Variants in INTS2 observed in about 807,000 individuals in gnomAD.
INTS2 encodes KIAA1287.
In INTS2, 57 loss-of-function variants were observed where a neutral mutation model predicts 139.6. That is an observed-to-expected ratio of 0.41 (90% CI 0.33 to 0.51). The LOEUF is 0.51. INTS2 is among the 20% of genes least tolerant of loss of function. The pLI is 0.28. For missense variants in INTS2, 1,196 were observed against 1,436.7 expected, an observed-to-expected ratio of 0.83 and a Z score of 2.71; for synonymous variants, 473 against 493.4, an observed-to-expected ratio of 0.96 and a Z score of 0.55.
chr17:61,889,771 C>T lies in INTS2; in HGVS notation c.1984+15G>A. 1 of 1,313,496 alleles carries T rather than the reference C, an allele frequency of 7.6e-7. No individual in the cohort carries two copies. Among genetic ancestry groups the T allele is most frequent in the African/African-American group, 1.5e-5 (1 of 68,868 alleles). The allele number at this position is 1,313,496 out of a possible 1,614,324, so 81.4% of individuals were successfully genotyped here. ...ATAAACTACCACTAGAACCACTCCT[C>T]TACGTACAACTTACCTAAAGTCTTC... On this transcript the variant is annotated intron_variant, in intron 15 of 24. Transcript: ENST00000251334.
At chr17:61,879,848 T>G (rs1364544438) in intron 17 of INTS2, among the ~76,000 whole-genome samples, 2 of 152,000 alleles carry the variant, frequency 1.3e-5, no homozygotes, top group East Asian at 1.9e-4. Flanking sequence ...TCAAAAAAAA[T>G]AAAGAAAAGA....
Position 61,867,385 on chromosome 17 carries a change from C to A in INTS2, c.*172G>T. 4.9e-6 allele frequency: 2 copies of A among 408,300 alleles called. No individual in the cohort carries two copies. Among genetic ancestry groups the A allele is most frequent in the South Asian group, 8.8e-5 (1 of 11,410 alleles). The allele number at this position is 408,300 out of a possible 1,614,324, so 25.3% of individuals were successfully genotyped here. On this transcript the variant is annotated 3_prime_UTR_variant, in exon 25 of 25. Transcript: ENST00000251334. The surrounding 1 kb of genome is among the most constrained non-coding windows in gnomAD (Gnocchi z 5.6). The stretch of plus-strand genomic sequence containing the variant: ...GATCCAAAGATGTGCCAATCAGAAA[C>A]AAGCAAGCATAATTCTCATAAAGTT...
chr17:61,867,541 T>C lies in INTS2; in HGVS notation c.*16A>G. On this transcript the variant is annotated 3_prime_UTR_variant, in exon 25 of 25. Transcript: ENST00000251334. This position sits in a 1 kb window ranked among gnomAD's most constrained non-coding sequence, Gnocchi z 5.6. ...GTATATGCAGCAAACAACTTTTTGT[T>C]GTTTTAAATTTTGTTTTAAATTCCA... is the stretch of plus-strand genomic sequence containing the variant. 1 of 1,558,230 alleles carries C rather than the reference T, an allele frequency of 6.4e-7. No homozygotes were observed. Among genetic ancestry groups the C allele is most frequent in the Non-Finnish European group, 8.8e-7 (1 of 1,140,594 alleles).
intron 11 of INTS2, among the ~76,000 whole-genome samples, chr17:61,895,998 T>A (rs11652725): frequency 0.16 from 24,609 of 151,962 alleles, 2,107 homozygotes; most frequent in Middle Eastern, 0.32. Flanking sequence ...TCCCAGCACT[T>A]TGGGAGGCCG....
At chr17:61,915,341 A>AAATAAATAAAT (rs2079569627) in intron 5 of INTS2, among the ~76,000 whole-genome samples, 1 of 141,324 alleles carries the variant, frequency 7.1e-6, no homozygotes, top group African/African-American at 2.7e-5. Flanking sequence ...CCGTCTCAAA[A>AAATAAATAAAT]AAATAAATAA....
intron 18 of INTS2, among the ~76,000 whole-genome samples, 163 bp downstream of exon 18, chr17:61,877,724 T>C (rs563565852): frequency 6.6e-6 from 1 of 152,330 alleles, no homozygotes; most frequent in Admixed American, 6.5e-5. Flanking sequence ...TACTTAAAGA[T>C]ATAACAACTA....
At position 61,874,976 on chromosome 17, in the gene INTS2, T is replaced by C. The variant is rs2079115864; in HGVS notation, c.2519A>G (p.Tyr840Cys). ...ATCTATCATCAGGTCATTCTGAGTATACTTTTGTTGTCGTACAAACTTTAT... is the reference window on the plus strand; with the variant it reads ...ATCTATCATCAGGTCATTCTGAGTACACTTTTGTTGTCGTACAAACTTTAT... ...PSIKFVRQQK[Y>C]TQNDLMIDPL... The change falls in exon 19 of 25, where the codon TAT (tyrosine) becomes TGT (cysteine). Residue 840 changes from tyrosine to cysteine, a missense_variant. Tyr to Cys is a radical substitution (Grantham distance 194). Around this residue, in one of 3 missense-constraint regions of INTS2, gnomAD observed 1,129 missense variants for 1,341.9 expected, o/e 0.84. Coordinates refer to ENST00000251334, the MANE Select transcript of INTS2 (RefSeq NM_001351695.2). 1.3e-6 allele frequency: 2 copies of C among 1,598,466 alleles called. No individual in the cohort carries two copies. Among genetic ancestry groups the C allele is most frequent in the Non-Finnish European group, 8.5e-7 (1 of 1,171,370 alleles).
At position 61,884,985 on chromosome 17, in the gene INTS2, T is replaced by G; in HGVS notation, c.2005A>C (p.Lys669Gln). ...KTLAAMQRKP[K>Q]SYSSSLMDQI... ...TCCATTAAAGAAGAAGAATATGATTTGGGCTTTCTTTGCATGGCAGCTATC... is the reference window on the plus strand; with the variant it reads ...TCCATTAAAGAAGAAGAATATGATTGGGGCTTTCTTTGCATGGCAGCTATC... Residue 669 changes from lysine to glutamine, a missense_variant, in exon 16 of 25, where the codon AAA becomes CAA. Physicochemically the swap from Lys to Gln is moderately conservative, Grantham distance 53. This residue lies in a region of INTS2 where 1,129 missense variants were observed against 1,341.9 expected (regional missense o/e 0.84). Coordinates refer to ENST00000251334, the MANE Select transcript of INTS2 (RefSeq NM_001351695.2). 1 of 1,600,354 alleles carries G rather than the reference T, an allele frequency of 6.2e-7. No homozygotes were observed. The highest frequency in any genetic ancestry group is 8.5e-7 in the Non-Finnish European group (1 of 1,172,256).
At chr17:61,885,786 T>C (rs1309501127) in intron 15 of INTS2, among the ~76,000 whole-genome samples, 1 of 142,248 alleles carries the variant, frequency 7.0e-6, no homozygotes, top group Non-Finnish European at 1.5e-5. Context: ...TGGAGTGCAG[T>C]GGCGCGATCT....
intron 17 of INTS2, among the ~76,000 whole-genome samples, chr17:61,879,071 CTTT>C (rs943506280): frequency 2.5e-3 from 87 of 34,392 alleles, no homozygotes; most frequent in African/African-American, 0.01. Flanking sequence ...CCAGGCTGGT[CTTT>C]TTTTTTTTTT....
At chr17:61,900,443 C>A (rs2079392977) in intron 9 of INTS2, among the ~76,000 whole-genome samples, 1 of 152,146 alleles carries the variant, frequency 6.6e-6, no homozygotes, top group African/African-American at 2.4e-5. Flanking sequence ...ATATCTGGAG[C>A]ACCATTCTGA....
At position 61,893,993 on chromosome 17, in the gene INTS2, C is replaced by A; in HGVS notation, c.1564-94G>T. The A allele has an allele frequency of 1.5e-6, 1 of 686,644 alleles. No individual in the cohort carries two copies. Among genetic ancestry groups the A allele is most frequent in the African/African-American group, 1.8e-5 (1 of 54,486 alleles). The allele number at this position is 686,644 out of a possible 1,614,324, so 42.5% of individuals were successfully genotyped here. On this transcript the variant is annotated intron_variant, in intron 12 of 24. Coordinates refer to ENST00000251334, the MANE Select transcript of INTS2 (RefSeq NM_001351695.2). This position sits in a 1 kb window ranked among gnomAD's most constrained non-coding sequence, Gnocchi z 5.4. ...GTAAGTAGACTGTCAACACCTAATA[C>A]AAGTGTGGTCCCTAGAAATGAATGA...
In INTS2 at chr17:61,893,755, A is replaced by G; in HGVS notation, c.1698+10T>C. The G allele has an allele frequency of 6.4e-7, 1 of 1,555,200 alleles. No homozygotes were observed. The highest frequency in any genetic ancestry group is 8.7e-7 in the Non-Finnish European group (1 of 1,149,350). ...CATGCTTTTATTTTGTTTTATTTGT[A>G]GGGGCATACTTTTATTGACACTTTG... On this transcript the variant is annotated intron_variant, in intron 13 of 24. Coordinates refer to ENST00000251334, the MANE Select transcript of INTS2 (RefSeq NM_001351695.2). This position sits in a 1 kb window ranked among gnomAD's most constrained non-coding sequence, Gnocchi z 5.4.
chr17:61,912,040 C>T lies in INTS2; in HGVS notation c.680G>A (p.Arg227Gln), dbSNP rs554961043. The stretch of plus-strand genomic sequence containing the variant: ...TCCTCCAAGACTTTCTTCATCTTGT[C>T]GTTCTCCATTTTTTATCAGGCCCCT... ...VCRGLIKNGERQDEESLGGRR... is the reference protein window; with the variant it reads ...VCRGLIKNGEQQDEESLGGRR... Residue 227 changes from arginine to glutamine, a missense_variant, in exon 6 of 25, where the codon CGA (arginine) becomes CAA (glutamine). By Grantham distance (43) the Arg-to-Gln change is conservative. Coordinates refer to ENST00000251334, the MANE Select transcript of INTS2 (RefSeq NM_001351695.2). The T allele has an allele frequency of 1.9e-6, 3 of 1,613,620 alleles. No individual in the cohort carries two copies. The highest frequency in any genetic ancestry group is 4.5e-5 in the East Asian group (2 of 44,872).
intron 11 of INTS2, among the ~76,000 whole-genome samples, chr17:61,895,773 T>C (rs1004861401): frequency 4.6e-5 from 7 of 151,944 alleles, no homozygotes; most frequent in Non-Finnish European, 8.8e-5. Flanking sequence ...TAGACACACA[T>C]ACACTTTTTG....
rs1206586535 is a variant in INTS2, at chr17:61,872,769, C to T, written c.2583-309G>A. 2.0e-5 allele frequency among the ~76,000 whole-genome samples: 3 copies of T among 151,914 alleles called. No homozygotes were observed. The highest frequency in any genetic ancestry group is 2.1e-4 in the South Asian group (1 of 4,818). On this transcript the variant is annotated intron_variant, in intron 19 of 24. Transcript: ENST00000251334. This position sits in a 1 kb window ranked among gnomAD's most constrained non-coding sequence, Gnocchi z 4.8. ...TTGCATGAAGAAAAACTGTAATACA[C>T]GTACAAAAAGCTGATATCCTTTATA... is the stretch of plus-strand genomic sequence containing the variant.
At chr17:61,921,373 C>A (rs686940) in intron 4 of INTS2, 69,043 of 155,080 alleles carry the variant, frequency 0.45, 18,897 homozygotes, top group Non-Finnish European at 0.61. Flanking sequence ...TATTTTAATT[C>A]ATCAAGGGTA....
rs199982601 is a variant in INTS2 at position 61,872,477 on chromosome 17, G to A, written c.2583-17C>T. On this transcript the variant is annotated splice_polypyrimidine_tract_variant and intron_variant, in intron 19 of 24. Coordinates refer to ENST00000251334, the MANE Select transcript of INTS2 (RefSeq NM_001351695.2). The surrounding 1 kb of genome is among the most constrained non-coding windows in gnomAD (Gnocchi z 4.8). The stretch of plus-strand genomic sequence containing the variant: ...GGGGGGCATCTAAACAAGGAAAGCA[G>A]AAAAGAAAAATATATCAGAAAGAAT... The A allele has an allele frequency of 6.8e-7, 1 of 1,477,280 alleles. No individual in the cohort carries two copies. The highest frequency in any genetic ancestry group is 2.3e-5 in the East Asian group (1 of 43,524). The allele number at this position is 1,477,280 out of a possible 1,614,324, so 91.5% of individuals were successfully genotyped here. A position where few individuals can be genotyped will look rare whatever the true frequency, so the allele number is the denominator to read the frequency against.
At chr17:61,903,174 G>GAAAAAAAA (rs551514700) in intron 9 of INTS2, among the ~76,000 whole-genome samples, 25 of 59,632 alleles carry the variant, frequency 4.2e-4, no homozygotes, top group Non-Finnish European at 5.5e-4. Context: ...CTCAAAAAAG[G>GAAAAAAAA]AAAAAAAAAA....
Sources: gnomAD v4.1 joint callset for allele counts (sites outside exome capture counted in the v4.1 genomes callset) on GRCh38, gnomAD v4.1.1 for gene constraint, gnomAD v4.1.1 regional missense constraint, Gnocchi (gnomAD v3.1) non-coding constraint, MANE v1.5 for transcripts, NCBI Gene and HGNC (gene_info 2026-07-23, HGNC 2026-07-21) for gene names.